Variants in CYP4X1 observed in about 807,000 individuals in gnomAD.
CYP4X1 encodes the protein cytochrome P450 family 4 subfamily X member 1.
In CYP4X1, 44 loss-of-function variants were observed where a neutral mutation model predicts 57.9. That is an observed-to-expected ratio of 0.76 (90% CI 0.60 to 0.98). The LOEUF is 0.98. Among genes scored for constraint, CYP4X1 ranks in the 50% least tolerant of loss-of-function variants. CYP4X1 has a pLI of 0.00. For synonymous variants in CYP4X1, 227 were observed against 228.6 expected, an observed-to-expected ratio of 0.99 and a Z score of 0.06; for missense variants, 532 against 623.9, an observed-to-expected ratio of 0.85 and a Z score of 1.57.
At chr1:46,965,162 G>A in the CYP4X1 span, among the ~76,000 whole-genome samples, 6 of 152,190 alleles carry the variant, frequency 3.9e-5, no homozygotes, top group Non-Finnish European at 7.3e-5. Flanking sequence ...CTAGGAAAGG[G>A]AATTCCCTGA....
chr1:46,995,866 TG>T, the CYP4X1 span, among the ~76,000 whole-genome samples: 1 of 152,230 alleles, frequency 6.6e-6, no homozygotes, highest in South Asian at 2.1e-4. Context: ...TTAGTTCTGT[TG>T]CTCCTTTTCC....
intron 6 of CYP4X1, 114 bp downstream of exon 6, chr1:47,036,285 C>A: frequency 1.5e-6 from 2 of 1,296,196 alleles, no homozygotes; most frequent in Non-Finnish European, 2.0e-6. Context: ...ATTAATGGAG[C>A]TTTTATATAG....
At chr1:47,043,470 CT>C (rs752241688) in intron 8 of CYP4X1, among the ~76,000 whole-genome samples, 3 of 151,798 alleles carry the variant, frequency 2.0e-5, no homozygotes, top group Non-Finnish European at 4.4e-5. Context: ...TAAGTCCCAC[CT>C]ATTTATCTTT....
chr1:46,962,247 G>C, the CYP4X1 span, among the ~76,000 whole-genome samples: 5,539 of 152,144 alleles, frequency 0.036, 333 homozygotes, highest in African/African-American at 0.12. Flanking sequence ...CTCCCAAGTA[G>C]CTGGGATTAC....
the CYP4X1 span, among the ~76,000 whole-genome samples, chr1:46,983,281 G>A: frequency 6.6e-6 from 1 of 152,204 alleles, no homozygotes; most frequent in Non-Finnish European, 1.5e-5. Flanking sequence ...TTCAGCAGGG[G>A]ATGGGGTGGC....
intron 10 of CYP4X1, 47 bp downstream of exon 10, chr1:47,048,676 G>C: frequency 2.6e-6 from 4 of 1,544,596 alleles, no homozygotes; most frequent in Non-Finnish European, 3.5e-6. Context: ...CTAATGCTGT[G>C]CAAGTCACTT....
At chr1:47,016,952 T>C in the CYP4X1 span, among the ~76,000 whole-genome samples, 1 of 149,604 alleles carries the variant, frequency 6.7e-6, no homozygotes, top group Non-Finnish European at 1.5e-5. Flanking sequence ...GAACATGTGA[T>C]GTTTGTCTTT....
At chr1:47,003,229 A>G in the CYP4X1 span, 1 of 152,208 alleles carries the variant, frequency 6.6e-6, no homozygotes, top group African/African-American at 2.4e-5. Flanking sequence ...GTAAAGGGCA[A>G]TTGATCACAG....
In CYP4X1 at chr1:47,033,269, C is replaced by T. The variant is rs1483188188; in HGVS notation, c.393C>T (p.Pro131=). The part of the protein sequence containing the change: ...LGKGLAALDG[P]KWFQHRRLLT... ...AAGGACTAGCGGCTCTAGACGGACC[C>T]AAGTGGTTCCAGCATCGTCGCCTAC... Residue 131 remains proline, a synonymous_variant, in exon 4 of 12, where the codon CCC becomes CCT. Transcript: ENST00000371901. 1 of 1,613,692 alleles carries T rather than the reference C, an allele frequency of 6.2e-7. No homozygotes were observed. The highest frequency in any genetic ancestry group is 1.7e-5 in the Admixed American group (1 of 59,948).
intron 1 of CYP4X1, 107 bp downstream of exon 1, chr1:47,024,101 C>T: frequency 7.2e-7 from 1 of 1,381,732 alleles, no homozygotes; most frequent in South Asian, 1.4e-5. Flanking sequence ...CCTGGGGACC[C>T]TCCGGCTTGC....
chr1:47,039,810 A>T, intron 8 of CYP4X1: 1 of 206,360 alleles, frequency 4.8e-6, no homozygotes, highest in Non-Finnish European at 9.6e-6. Context: ...CTTGGCTCTG[A>T]TGCATTGGAA....
intron 8 of CYP4X1, 70 bp from the exon 9 acceptor site, chr1:47,046,397 A>G: frequency 6.3e-7 from 1 of 1,594,076 alleles, no homozygotes; most frequent in Non-Finnish European, 8.6e-7. Context: ...ATTACCAGGA[A>G]CAAACAGAAA....
chr1:46,961,670 C>T, the CYP4X1 span: 1 of 1,291,306 alleles, frequency 7.7e-7, no homozygotes, highest in Non-Finnish European at 1.0e-6. Context: ...CCTCTGGGAA[C>T]CCCCTAGTCT....
chr1:47,054,128 T>C (rs1462480204), downstream of CYP4X1, among the ~76,000 whole-genome samples: 1 of 151,630 alleles, frequency 6.6e-6, no homozygotes, highest in East Asian at 2.0e-4. Flanking sequence ...GTTTCAGCTT[T>C]CTACATATGG....
chr1:47,030,033 A>G lies in CYP4X1; in HGVS notation c.221A>G (p.Glu74Gly). Residue 74 changes from glutamate to glycine, a missense_variant, in exon 2 of 12, where the codon GAA (glutamate) becomes GGA (glycine). Glu to Gly is a moderately conservative substitution (Grantham distance 98). Transcript: ENST00000371901. Reference protein sequence around the residue: ...DNMEKLEEIIEKYPRAFPFWI... With the variant: ...DNMEKLEEIIGKYPRAFPFWI... ...ATGGAGAAGCTTGAGGAAATTATTG[A>G]AAAATACCCTCGTGCCTTCCCTTTC... The G allele has an allele frequency of 6.2e-7, 1 of 1,614,076 alleles. No homozygotes were observed. Among genetic ancestry groups the G allele is most frequent in the East Asian group, 2.2e-5 (1 of 44,866 alleles).
At chr1:47,019,167 A>G (rs1205264904), upstream of CYP4X1, among the ~76,000 whole-genome samples, 4 of 152,238 alleles carry the variant, frequency 2.6e-5, no homozygotes, top group African/African-American at 2.4e-5. Context: ...CTTTTAATCT[A>G]TAACTAAGAG....
the CYP4X1 span, among the ~76,000 whole-genome samples, chr1:47,011,604 C>T: frequency 1.3e-5 from 2 of 152,224 alleles, no homozygotes; most frequent in Non-Finnish European, 1.5e-5. Flanking sequence ...AAGAAACTAC[C>T]ATCAGACTGA....
the CYP4X1 span, among the ~76,000 whole-genome samples, chr1:46,994,212 G>T: frequency 6.6e-6 from 1 of 152,040 alleles, no homozygotes; most frequent in Non-Finnish European, 1.5e-5. Context: ...TCTTGTTTTT[G>T]TCAGGTTTGT....
the CYP4X1 span, among the ~76,000 whole-genome samples, chr1:46,988,809 T>C: frequency 9.3e-4 from 141 of 152,200 alleles, no homozygotes; most frequent in African/African-American, 3.1e-3. Context: ...CTCAATAGAT[T>C]ATCTCAACAG....
Sources: allele counts gnomAD v4.1 joint callset (sites outside exome capture counted in the v4.1 genomes callset), GRCh38; gene constraint gnomAD v4.1.1; transcripts MANE v1.5; gene names NCBI Gene and HGNC (gene_info 2026-07-23, HGNC 2026-07-21).